The following SMIM31 variants were observed in gnomAD, a reference collection of about 807,000 sequenced individuals.
SMIM31 encodes small integral membrane protein 31.
intron 2 of SMIM31, among the ~76,000 whole-genome samples, chr4:164,772,166 C>T (rs758470101): frequency 2.4e-4 from 37 of 152,114 alleles, no homozygotes; most frequent in Non-Finnish European, 4.4e-4. Context: ...CAGAAAGCCT[C>T]CAATCATGGT....
Position 164,760,518 on chromosome 4 carries a change from G to A in SMIM31, c.-26+6107G>A, listed in dbSNP as rs1732631858. Among the ~76,000 whole-genome samples, 5 of 151,446 alleles carry A rather than the reference G, an allele frequency of 3.3e-5. No individual in the cohort carries two copies. In the South Asian group the frequency reaches 1.0e-3, roughly 32 times the overall value. On this transcript the variant is annotated intron_variant, in intron 1 of 2. Transcript: ENST00000507311. ...GGCCAAGGCGGGTGGATCACTTGAG[G>A]TCAGGAGTTCAAGACCAGCCTGGCC...
At chr4:164,774,232 T>C (rs1225189061) in intron 2 of SMIM31, among the ~76,000 whole-genome samples, 1 of 152,010 alleles carries the variant, frequency 6.6e-6, no homozygotes, top group East Asian at 1.9e-4. Flanking sequence ...ATACAACTTG[T>C]ATTCACTTAA....
chr4:164,773,056 G>T (rs1163728648), intron 2 of SMIM31, among the ~76,000 whole-genome samples: 3 of 73,466 alleles, frequency 4.1e-5, no homozygotes, highest in South Asian at 4.2e-4. Flanking sequence ...AAAAAAAAAA[G>T]CATATATACT....
chr4:164,798,237 T>TA lies in SMIM31; in HGVS notation c.113-2854_113-2853insA, dbSNP rs143114082. Among the ~76,000 whole-genome samples the TA allele has an allele frequency of 4.9e-4, 66 of 133,996 alleles. 1 individual carries two copies. Among genetic ancestry groups the TA allele is most frequent in the Admixed American group, 3.0e-3 (42 of 13,904 alleles). The allele number at this position is 133,996 out of a possible 152,430, so 87.9% of individuals were successfully genotyped here. A position where few individuals can be genotyped will look rare whatever the true frequency, so the allele number is the denominator to read the frequency against. On this transcript the variant is annotated intron_variant, in intron 2 of 2. Transcript: ENST00000507311. ...TTTGATATAATGATTTTTATTTTTTTTTTTTATTTTTTTTGAGACGGAGTC... is the reference window on the plus strand; with the variant it reads ...TTTGATATAATGATTTTTATTTTTTTATTTTTATTTTTTTTGAGACGGAGTC...
rs114853375 is a variant in SMIM31 at position 164,772,564 on chromosome 4, T to A, written c.112+2009T>A. 6.9e-3 allele frequency among the ~76,000 whole-genome samples: 794 copies of A among 114,682 alleles called. 6 individuals carry two copies. The highest frequency in any genetic ancestry group is 0.023 in the African/African-American group (734 of 32,556). 75.2% of individuals were successfully genotyped at this position (114,682 alleles called of 152,430 possible). ...TTCACAAGCAAGGACACTGAAGTTT[T>A]ATTTTTTTTATTTTTATTTTATTTT... On this transcript the variant is annotated intron_variant, in intron 2 of 2. Transcript: ENST00000507311.
intron 2 of SMIM31, among the ~76,000 whole-genome samples, chr4:164,792,342 A>G (rs1205190422): frequency 1.3e-5 from 2 of 152,234 alleles, no homozygotes; most frequent in Admixed American, 1.3e-4. Context: ...CTGAAGTAAT[A>G]TAATATCTAG....
rs960972421 is a variant in SMIM31, at chr4:164,802,012, T to C, written c.*818T>C. 1 of 151,968 alleles carries C rather than the reference T, an allele frequency of 6.6e-6. No homozygotes were observed. The highest frequency in any genetic ancestry group is 1.5e-5 in the Non-Finnish European group (1 of 68,012). The allele number at this position is 151,968 out of a possible 1,614,324, so 9.4% of individuals were successfully genotyped here. A position where few individuals can be genotyped will look rare whatever the true frequency, so the allele number is the denominator to read the frequency against. Reference sequence around the variant, plus strand: ...ACTTTGGGAGGCCGAGGTGGGCAGATCACGAGGTCAGGAGATTGAGACCAT... The same window carrying C: ...ACTTTGGGAGGCCGAGGTGGGCAGACCACGAGGTCAGGAGATTGAGACCAT... On this transcript the variant is annotated 3_prime_UTR_variant, in exon 3 of 3. Transcript: ENST00000507311.
intron 2 of SMIM31, among the ~76,000 whole-genome samples, chr4:164,798,409 A>ATT (rs1211057950): frequency 2.9e-5 from 4 of 138,530 alleles, no homozygotes; most frequent in African/African-American, 5.3e-5. Flanking sequence ...AATATTTTGT[A>ATT]TTTTTTTTTT....
intron 2 of SMIM31, among the ~76,000 whole-genome samples, chr4:164,790,013 C>T (rs1733079706): frequency 6.6e-6 from 1 of 152,174 alleles, no homozygotes; most frequent in African/African-American, 2.4e-5. Flanking sequence ...AGACTTCATT[C>T]AGCTTTCCTT....
intron 1 of SMIM31, among the ~76,000 whole-genome samples, chr4:164,766,331 G>A (rs568729904): frequency 1.1e-3 from 164 of 152,200 alleles, no homozygotes; most frequent in Non-Finnish European, 1.3e-3. Context: ...TCAGAGTTTT[G>A]CATCAACTTG....
At chr4:164,784,783 A>G (rs1579070570) in intron 2 of SMIM31, among the ~76,000 whole-genome samples, 1 of 152,176 alleles carries the variant, frequency 6.6e-6, no homozygotes, top group East Asian at 1.9e-4. Flanking sequence ...TTATATAAAT[A>G]GGATGCTTTT....
intron 2 of SMIM31, among the ~76,000 whole-genome samples, chr4:164,791,895 G>A (rs747167851): frequency 2.0e-5 from 3 of 152,020 alleles, no homozygotes; most frequent in African/African-American, 4.8e-5. Context: ...ATACCACTTC[G>A]TATGCCTTTG....
At chr4:164,778,178 A>G (rs1212201599) in intron 2 of SMIM31, among the ~76,000 whole-genome samples, 3 of 152,240 alleles carry the variant, frequency 2.0e-5, no homozygotes, top group African/African-American at 7.2e-5. Flanking sequence ...GCTTGAGCCC[A>G]GAAGTTTGAG....
chr4:164,755,757 G>C (rs774701717), intron 1 of SMIM31, among the ~76,000 whole-genome samples: 2 of 151,980 alleles, frequency 1.3e-5, no homozygotes, highest in African/African-American at 4.8e-5. Context: ...CCAGTCTCTG[G>C]TGGGACAGAG....
intron 2 of SMIM31, among the ~76,000 whole-genome samples, chr4:164,783,178 A>G (rs1202698364): frequency 7.1e-6 from 1 of 140,480 alleles, no homozygotes; most frequent in Non-Finnish European, 1.5e-5. Flanking sequence ...AGATCAGGCC[A>G]CTGCACTCCA....
chr4:164,755,529 GGGAGAGGAGA>G (rs1560821416), intron 1 of SMIM31, among the ~76,000 whole-genome samples: 1 of 87,038 alleles, frequency 1.1e-5, no homozygotes, highest in African/African-American at 5.1e-5. Flanking sequence ...GGGGAAGGGA[GGGAGAGGAGA>G]GGAGGGGAGG....
intron 1 of SMIM31, among the ~76,000 whole-genome samples, chr4:164,756,229 A>G (rs968706666): frequency 1.3e-5 from 2 of 152,198 alleles, no homozygotes; most frequent in Admixed American, 1.3e-4. Context: ...ATCTCTGCAC[A>G]TGTATCCCAG....
intron 2 of SMIM31, among the ~76,000 whole-genome samples, chr4:164,800,471 G>T (rs1733269057): frequency 6.6e-6 from 1 of 152,140 alleles, no homozygotes. Flanking sequence ...GCCTCCCAAA[G>T]TGCTGGAATT....
intron 2 of SMIM31, among the ~76,000 whole-genome samples, chr4:164,786,819 T>C (rs945647093): frequency 1.3e-5 from 2 of 152,222 alleles, no homozygotes; most frequent in African/African-American, 4.8e-5. Flanking sequence ...ACAGCCTGCT[T>C]GATTTCATCC....
Sources: gnomAD v4.1 joint callset for allele counts (sites outside exome capture counted in the v4.1 genomes callset) on GRCh38, gnomAD v4.1.1 for gene constraint, MANE v1.5 for transcripts, NCBI Gene and HGNC (gene_info 2026-07-23, HGNC 2026-07-21) for gene names.